SFMBT2: variants seen among roughly 807,000 people sequenced by gnomAD.
SFMBT2 encodes the protein scm-like with four MBT domains protein 2.
SFMBT2 carries 38 observed loss-of-function variants against 110.1 expected under a neutral mutation model. That is an observed-to-expected ratio of 0.35 (90% CI 0.27 to 0.45). The LOEUF (loss-of-function observed/expected upper bound fraction) is 0.45. SFMBT2 is among the 20% of genes least tolerant of loss of function. SFMBT2 has a pLI of 1.00. For missense variants in SFMBT2, 1,011 were observed against 1,094.9 expected, an observed-to-expected ratio of 0.92 and a Z score of 1.08; for synonymous variants, 425 against 425.4, an observed-to-expected ratio of 1.00 and a Z score of 0.01.
rs553789620 is a variant in SFMBT2 at position 7,394,108 on chromosome 10, T to C, written c.-51-12159A>G. 3.5e-4 allele frequency among the ~76,000 whole-genome samples: 54 copies of C among 152,150 alleles called. 1 individual carries two copies. The highest frequency in any genetic ancestry group is 8.3e-4 in the South Asian group (4 of 4,818). ...TCCGCCTCCCGGGTTCAAGAGATCC[T>C]CCTAACTCAGCCTCTCAAGTAGCTG... On this transcript the variant is annotated intron_variant, in intron 1 of 20. Transcript: ENST00000397167.
At chr10:7,405,204 C>T (rs569083119) in intron 1 of SFMBT2, among the ~76,000 whole-genome samples, 13 of 152,334 alleles carry the variant, frequency 8.5e-5, no homozygotes, top group African/African-American at 2.6e-4. Flanking sequence ...AATCATCATC[C>T]ATATCATAAA....
chr10:7,242,326 A>G (rs905152112), intron 9 of SFMBT2, among the ~76,000 whole-genome samples: 7 of 152,208 alleles, frequency 4.6e-5, no homozygotes, highest in African/African-American at 1.7e-4. Flanking sequence ...CAACAGAGAA[A>G]CAAACACCAA....
In SFMBT2 at chr10:7,205,804, G is replaced by A. The variant is rs371521575; in HGVS notation, c.1444+11C>T. The stretch of plus-strand genomic sequence containing the variant: ...GTGTCATCCACCCCCCCTCAACTGG[G>A]AACCACTTACAGACTGTTTTGTGTG... On this transcript the variant is annotated intron_variant, in intron 12 of 20. Coordinates refer to ENST00000397167, the MANE Select transcript of SFMBT2 (RefSeq NM_001387889.1). 529 of 1,611,316 alleles carry A rather than the reference G, an allele frequency of 3.3e-4. 2 individuals are homozygous for A. Among genetic ancestry groups the A allele is most frequent in the Middle Eastern group, 1.3e-3 (8 of 6,076 alleles).
At chr10:7,251,721 T>C (rs1840818643) in intron 7 of SFMBT2, among the ~76,000 whole-genome samples, 1 of 152,148 alleles carries the variant, frequency 6.6e-6, no homozygotes, top group South Asian at 2.1e-4. Flanking sequence ...TCCCGGCACA[T>C]TCATAACTAT....
intron 4 of SFMBT2, among the ~76,000 whole-genome samples, chr10:7,344,598 C>T (rs975354285): frequency 1.3e-5 from 2 of 152,108 alleles, no homozygotes; most frequent in African/African-American, 4.8e-5. Flanking sequence ...CTGACTAATA[C>T]AACCACCATG....
chr10:7,244,243 C>G (rs112634347), intron 8 of SFMBT2: 156 of 243,916 alleles, frequency 6.4e-4, no homozygotes, highest in African/African-American at 3.4e-3. Flanking sequence ...ACAACAACCC[C>G]CAATGCCATG....
Position 7,362,118 on chromosome 10 carries a change from C to T in SFMBT2, c.436+5531G>A, listed in dbSNP as rs118014572. On this transcript the variant is annotated intron_variant, in intron 4 of 20. Coordinates refer to ENST00000397167, the MANE Select transcript of SFMBT2 (RefSeq NM_001387889.1). ...TTACATTTTGCTCCACTAATAAGAG[C>T]CATAATCCTCCGCGGCACTGGGTGA... is the stretch of plus-strand genomic sequence containing the variant. 8.2e-3 allele frequency among the ~76,000 whole-genome samples: 1,253 copies of T among 152,260 alleles called. 8 individuals carry two copies. The highest frequency in any genetic ancestry group is 0.013 in the Admixed American group (199 of 15,296).
At chr10:7,260,259 C>T (rs937954962) in intron 7 of SFMBT2, among the ~76,000 whole-genome samples, 5 of 152,276 alleles carry the variant, frequency 3.3e-5, no homozygotes, top group Admixed American at 6.5e-5. Flanking sequence ...AAAGACCAGA[C>T]AGAAAACCCT....
intron 1 of SFMBT2, among the ~76,000 whole-genome samples, chr10:7,396,397 C>A (rs1845927786): frequency 6.6e-6 from 1 of 152,172 alleles, no homozygotes; most frequent in Non-Finnish European, 1.5e-5. Flanking sequence ...CAGAAAAGGA[C>A]TCCTCATTTT....
In SFMBT2 at chr10:7,171,885, C is replaced by G. The variant is rs200672751; in HGVS notation, c.2415+10G>C. On this transcript the variant is annotated intron_variant, in intron 19 of 20. Coordinates refer to ENST00000397167, the MANE Select transcript of SFMBT2 (RefSeq NM_001387889.1). The surrounding 1 kb of genome is among the most constrained non-coding windows in gnomAD (Gnocchi z 4.9). Reference sequence around the variant, plus strand: ...GCGGGAAGCCCTCTGTCCCCACGCCCGGGCATCACCTCTGTCCCCTCGGGC... The same window carrying G: ...GCGGGAAGCCCTCTGTCCCCACGCCGGGGCATCACCTCTGTCCCCTCGGGC... 1 of 1,412,256 alleles carries G rather than the reference C, an allele frequency of 7.1e-7. No individual in the cohort carries two copies. Among genetic ancestry groups the G allele is most frequent in the African/African-American group, 1.5e-5 (1 of 67,468 alleles). 87.5% of individuals were successfully genotyped at this position (1,412,256 alleles called of 1,614,324 possible). A position where few individuals can be genotyped will look rare whatever the true frequency, so the allele number is the denominator to read the frequency against.
chr10:7,377,152 G>C (rs1220512891), intron 2 of SFMBT2, among the ~76,000 whole-genome samples: 1 of 124,890 alleles, frequency 8.0e-6, no homozygotes, highest in Admixed American at 9.4e-5. Flanking sequence ...CTGGGAGACA[G>C]AGCGAGACTC....
chr10:7,255,229 C>T (rs995694520), intron 7 of SFMBT2, among the ~76,000 whole-genome samples: 2 of 152,144 alleles, frequency 1.3e-5, no homozygotes, highest in African/African-American at 2.4e-5. Context: ...GACAATTCGC[C>T]AAACCGATTA....
At chr10:7,327,829 A>G (rs1032144573) in intron 4 of SFMBT2, among the ~76,000 whole-genome samples, 4 of 152,284 alleles carry the variant, frequency 2.6e-5, no homozygotes, top group South Asian at 2.1e-4. Flanking sequence ...AGCCAGTTTC[A>G]TTACCTGAAT....
intron 1 of SFMBT2, among the ~76,000 whole-genome samples, chr10:7,407,911 G>A (rs1409148445): frequency 6.6e-6 from 1 of 152,168 alleles, no homozygotes; most frequent in East Asian, 1.9e-4. Flanking sequence ...CTACTGGTGC[G>A]CCCCGAGCCC....
chr10:7,389,142 T>C (rs1347983506), intron 1 of SFMBT2, among the ~76,000 whole-genome samples: 1 of 152,186 alleles, frequency 6.6e-6, no homozygotes, highest in Admixed American at 6.5e-5. Context: ...CTATGCAGTG[T>C]CTGTGGAAAC....
chr10:7,208,459 C>T (rs1014568731), intron 11 of SFMBT2, among the ~76,000 whole-genome samples: 20 of 151,836 alleles, frequency 1.3e-4, no homozygotes, highest in Admixed American at 1.2e-3. Context: ...CTGAGGCGGG[C>T]GGATCACCTG....
At chr10:7,406,264 A>C (rs1846206213) in intron 1 of SFMBT2, among the ~76,000 whole-genome samples, 1 of 152,184 alleles carries the variant, frequency 6.6e-6, no homozygotes. Context: ...AAGAAAAAGA[A>C]AAAGAAAACT....
chr10:7,391,323 G>A (rs560222117), intron 1 of SFMBT2, among the ~76,000 whole-genome samples: 4 of 151,966 alleles, frequency 2.6e-5, no homozygotes, highest in East Asian at 3.9e-4. Context: ...AAAATTAGCC[G>A]GGCATGGTGG....
chr10:7,309,147 T>G (rs1842779245), intron 4 of SFMBT2, among the ~76,000 whole-genome samples: 1 of 152,222 alleles, frequency 6.6e-6, no homozygotes. Context: ...CCCTCCGTCA[T>G]GTGGATAGAC....
Sources: gnomAD v4.1 joint callset for allele counts (sites outside exome capture counted in the v4.1 genomes callset) on GRCh38, gnomAD v4.1.1 for gene constraint, Gnocchi (gnomAD v3.1) non-coding constraint, MANE v1.5 for transcripts, NCBI Gene and HGNC (gene_info 2026-07-23, HGNC 2026-07-21) for gene names.